The following BRF1 variants were observed in gnomAD, a reference collection of about 807,000 sequenced individuals.
The protein encoded by BRF1 is BRF1 general transcription factor IIIB subunit.
Under a neutral mutation model 81.7 loss-of-function variants are expected in BRF1, and 59 were observed. The ratio of observed to expected loss-of-function variants is 0.72; its 90% confidence interval spans 0.59 to 0.90. The LOEUF (loss-of-function observed/expected upper bound fraction) is 0.90. Among genes scored for constraint, BRF1 ranks in the 40% least tolerant of loss-of-function variants. The probability of loss-of-function intolerance (pLI) is 0.00; values close to 1 mark genes in which losing one functional copy is unlikely to be tolerated. For missense variants in BRF1, 1,050 were observed against 936.3 expected, an observed-to-expected ratio of 1.12 and a Z score of -1.58; for synonymous variants, 491 against 395.6, an observed-to-expected ratio of 1.24 and a Z score of -2.86.
chr14:105,243,274 TTACTAAAA>T (rs1162114984), intron 5 of BRF1, among the ~76,000 whole-genome samples: 5 of 147,516 alleles, frequency 3.4e-5, no homozygotes, highest in Non-Finnish European at 7.4e-5. Context: ...AACCCAGTCT[TTACTAAAA>T]TACAAAAAAA....
Position 105,300,632 on chromosome 14 carries a change from C to G in BRF1, c.-3G>C. On this transcript the variant is annotated 5_prime_UTR_variant, in exon 1 of 18. Transcript: ENST00000547530. ...CCGCGGCACACGCGGCCCGTCATGC[C>G]GGCGACCGCGCGGGCAGCGCCCGGA... The G allele has an allele frequency of 7.3e-7, 1 of 1,363,886 alleles. No homozygotes were observed. Among genetic ancestry groups the G allele is most frequent in the Non-Finnish European group, 9.4e-7 (1 of 1,069,164 alleles). The allele number at this position is 1,363,886 out of a possible 1,614,324, so 84.5% of individuals were successfully genotyped here. A position where few individuals can be genotyped will look rare whatever the true frequency, so the allele number is the denominator to read the frequency against.
At chr14:105,252,927 A>G (rs900427684) in intron 4 of BRF1, among the ~76,000 whole-genome samples, 7 of 152,200 alleles carry the variant, frequency 4.6e-5, no homozygotes, top group African/African-American at 1.4e-4. Context: ...TTCTGTCCAC[A>G]TGTGCTCCCA....
chr14:105,221,354 C>T (rs1429931852), intron 11 of BRF1, among the ~76,000 whole-genome samples: 2 of 152,218 alleles, frequency 1.3e-5, no homozygotes, highest in Non-Finnish European at 2.9e-5. Flanking sequence ...GACTCCTGGA[C>T]ACAACTTGTG....
chr14:105,308,055 G>A lies in BRF1; in HGVS notation c.-162+7267C>T, dbSNP rs147106300. Among the ~76,000 whole-genome samples the A allele has an allele frequency of 1.7e-3, 260 of 152,044 alleles. 1 individual carries two copies. Among genetic ancestry groups the A allele is most frequent in the African/African-American group, 6.0e-3 (247 of 41,464 alleles). On this transcript the variant is annotated intron_variant, in intron 1 of 17. Coordinates refer to the BRF1 transcript ENST00000327359. ...AAAAATTAGCTGTGCGTGGTGGTGC[G>A]TGCCTCTAGTTCAGCTACTTGGGAG...
intron 5 of BRF1, chr14:105,242,228 C>T (rs2054725530): frequency 6.6e-6 from 1 of 152,166 alleles, no homozygotes; most frequent in Non-Finnish European, 1.5e-5. Flanking sequence ...TTACACACTG[C>T]ATGAACGCAT....
At chr14:105,291,671 T>C (rs1377903733) in intron 1 of BRF1, among the ~76,000 whole-genome samples, 1 of 151,876 alleles carries the variant, frequency 6.6e-6, no homozygotes, top group African/African-American at 2.4e-5. Flanking sequence ...ACTGGAGACT[T>C]TCTGTTGCTG....
intron 3 of BRF1, among the ~76,000 whole-genome samples, chr14:105,272,359 C>A (rs900295042): frequency 3.9e-5 from 6 of 152,236 alleles, no homozygotes; most frequent in Admixed American, 1.3e-4. Context: ...AACAGCACCC[C>A]ACCTGCTCAG....
chr14:105,226,674 G>A lies in BRF1; in HGVS notation c.875C>T (p.Pro292Leu). The change falls in exon 8 of 18, where the codon CCC becomes CTC. Residue 292 changes from proline (P) to leucine (L), a missense_variant. Coordinates refer to ENST00000547530, the MANE Select transcript of BRF1 (RefSeq NM_001519.4). ...KIDLEEECDP[P>L]SYTAGQRKLR... is the part of the protein sequence containing the mutation. ...CTTCCTCTGCCCAGCTGTGTACGAGGGGGGGTCGCACTCCTCCTCCAGGTC... is the reference window on the plus strand; with the variant it reads ...CTTCCTCTGCCCAGCTGTGTACGAGAGGGGGTCGCACTCCTCCTCCAGGTC... 5 of 1,613,520 alleles carry A rather than the reference G, an allele frequency of 3.1e-6. No individual in the cohort carries two copies. Among genetic ancestry groups the A allele is most frequent in the Non-Finnish European group, 2.5e-6 (3 of 1,180,022 alleles).
chr14:105,248,594 C>G, intron 5 of BRF1: 1 of 957,700 alleles, frequency 1.0e-6, no homozygotes, highest in Non-Finnish European at 1.2e-6. Context: ...GGCGGGACGG[C>G]GCCCCCCGCG....
rs587683791 is a variant in BRF1 at position 105,283,126 on chromosome 14, C to T, written c.265+3170G>A. Among the ~76,000 whole-genome samples the T allele has an allele frequency of 2.6e-5, 4 of 152,254 alleles. No homozygotes were observed. The South Asian group carries it at 6.2e-4, about 24-fold the overall frequency. On this transcript the variant is annotated intron_variant, in intron 2 of 17. Transcript: ENST00000547530. ...CAGGACACTCGACAGCAAGGAGGTA[C>T]GGCGGGCCCAGCCAGCCAAGGCAGA... is the stretch of plus-strand genomic sequence containing the variant.
chr14:105,285,935 T>C (rs2057298089), intron 2 of BRF1, among the ~76,000 whole-genome samples: 1 of 152,194 alleles, frequency 6.6e-6, no homozygotes, highest in Non-Finnish European at 1.5e-5. Context: ...CCAGCAGACA[T>C]TTCTCCAGTT....
chr14:105,270,857 A>C (rs922668176), intron 3 of BRF1, among the ~76,000 whole-genome samples: 2 of 151,750 alleles, frequency 1.3e-5, no homozygotes, highest in African/African-American at 2.4e-5. Flanking sequence ...GGCCAGAGGC[A>C]CCGTCAGCAG....
chr14:105,228,982 G>C (rs1214657063), intron 6 of BRF1, 69 bp from the exon 7 acceptor site: 54 of 1,410,058 alleles, frequency 3.8e-5, no homozygotes, highest in Non-Finnish European at 4.3e-5. Flanking sequence ...GGCGGCCCAG[G>C]ACAACACTGC....
At chr14:105,215,537 A>G (rs1199057122) in intron 15 of BRF1, among the ~76,000 whole-genome samples, 2 of 151,780 alleles carry the variant, frequency 1.3e-5, no homozygotes, top group African/African-American at 4.8e-5. Context: ...CACTGCATGC[A>G]CAGACACAGG....
rs1203800045 is a variant in BRF1, at chr14:105,226,302, C to T, written c.916-12G>A. 2 of 1,613,996 alleles carry T rather than the reference C, an allele frequency of 1.2e-6. No homozygotes were observed. The highest frequency in any genetic ancestry group is 1.7e-5 in the Admixed American group (1 of 60,032). On this transcript the variant is annotated splice_polypyrimidine_tract_variant and intron_variant, in intron 8 of 17. Coordinates refer to ENST00000547530, the MANE Select transcript of BRF1 (RefSeq NM_001519.4). ...AGGACTTGTTCAAGCTGAAAGGGAA[C>T]AGGGCAAGAGGCTTCGTGAAGGGAG...
chr14:105,250,097 A>G (rs1027003484), intron 5 of BRF1: 5 of 1,612,830 alleles, frequency 3.1e-6, no homozygotes, highest in African/African-American at 2.7e-5. Flanking sequence ...GGAGTTTGCC[A>G]ACGGCGCTGC....
At chr14:105,252,325 G>A (rs587702524) in intron 5 of BRF1, 182 bp downstream of exon 5, 3 of 967,020 alleles carry the variant, frequency 3.1e-6, no homozygotes, top group African/African-American at 1.8e-5. Flanking sequence ...GGACAACAGC[G>A]AGACTGTGTC....
chr14:105,251,386 G>A (rs2055604018), intron 5 of BRF1, among the ~76,000 whole-genome samples: 1 of 152,198 alleles, frequency 6.6e-6, no homozygotes, highest in Admixed American at 6.5e-5. Context: ...GCTGGGCCCA[G>A]CGTTCTGGAC....
intron 7 of BRF1, chr14:105,227,429 G>A (rs587654878): frequency 6.6e-6 from 1 of 152,514 alleles, no homozygotes; most frequent in South Asian, 2.1e-4. Flanking sequence ...TCAAAAAAAT[G>A]AATAAATAAC....
Sources: allele counts gnomAD v4.1 joint callset (sites outside exome capture counted in the v4.1 genomes callset), GRCh38; gene constraint gnomAD v4.1.1; transcripts MANE v1.5; gene names NCBI Gene and HGNC (gene_info 2026-07-23, HGNC 2026-07-21).